NCKAP5: variants seen among roughly 807,000 people sequenced by gnomAD.
NCKAP5 encodes nck-associated protein 5.
A neutral mutation model predicts 167.0 loss-of-function variants in NCKAP5; 92 were observed. The ratio of observed to expected loss-of-function variants is 0.55; its 90% confidence interval spans 0.47 to 0.66. The LOEUF is 0.66. NCKAP5 is among the 30% of genes least tolerant of loss of function. The pLI, the probability that NCKAP5 is intolerant of heterozygous loss-of-function variation, is 0.00. For synonymous variants in NCKAP5, 891 were observed against 877.4 expected, an observed-to-expected ratio of 1.02 and a Z score of -0.27; for missense variants, 2,378 against 2,315.0, an observed-to-expected ratio of 1.03 and a Z score of -0.56.
intron 8 of NCKAP5, among the ~76,000 whole-genome samples, chr2:132,951,087 CT>C: frequency 1.3e-5 from 2 of 152,278 alleles, no homozygotes; most frequent in South Asian, 4.1e-4. Flanking sequence ...AATATGTCTT[CT>C]TTACTTTGCT....
chr2:133,572,865 C>T (rs1688916786), upstream of NCKAP5, among the ~76,000 whole-genome samples: 1 of 152,186 alleles, frequency 6.6e-6, no homozygotes, highest in South Asian at 2.1e-4. Flanking sequence ...CATTCTCACA[C>T]ATATGGTCCT....
At chr2:132,874,489 G>C (rs1038736844) in intron 9 of NCKAP5, among the ~76,000 whole-genome samples, 3 of 152,148 alleles carry the variant, frequency 2.0e-5, no homozygotes, top group Non-Finnish European at 4.4e-5. Context: ...TACAATCTAG[G>C]CTAGGCATGT....
intron 3 of NCKAP5, chr2:133,391,129 A>T (rs1326861769): frequency 6.6e-6 from 1 of 152,162 alleles, no homozygotes; most frequent in Non-Finnish European, 1.5e-5. Flanking sequence ...GCCAACTACC[A>T]TCTACTTTCT....
intron 3 of NCKAP5, among the ~76,000 whole-genome samples, chr2:133,428,261 C>G (rs1689936512): frequency 6.6e-6 from 1 of 152,062 alleles, no homozygotes; most frequent in South Asian, 2.1e-4. Flanking sequence ...AAATCACTGG[C>G]ACAGAATAAG....
At chr2:133,366,124 C>T (rs1025768423) in intron 3 of NCKAP5, among the ~76,000 whole-genome samples, 7 of 152,048 alleles carry the variant, frequency 4.6e-5, no homozygotes, top group African/African-American at 1.7e-4. Flanking sequence ...GTTTTGTGAG[C>T]ACATTTTTTG....
At chr2:133,080,489 C>T (rs1273610318) in intron 6 of NCKAP5, among the ~76,000 whole-genome samples, 2 of 152,154 alleles carry the variant, frequency 1.3e-5, no homozygotes, top group Non-Finnish European at 2.9e-5. Context: ...TGGAACACAG[C>T]CAACCCGTTG....
intron 3 of NCKAP5, among the ~76,000 whole-genome samples, chr2:133,330,771 C>T (rs1175975271): frequency 6.6e-6 from 1 of 151,996 alleles, no homozygotes; most frequent in Admixed American, 6.6e-5. Context: ...TCGTGTGCAC[C>T]TGTACTCTCA....
chr2:132,829,466 T>G (rs1314968035), intron 11 of NCKAP5, among the ~76,000 whole-genome samples: 1 of 152,166 alleles, frequency 6.6e-6, no homozygotes, highest in African/African-American at 2.4e-5. Flanking sequence ...AAATATAATT[T>G]TATTGAAATA....
intron 2 of NCKAP5, among the ~76,000 whole-genome samples, chr2:133,535,191 T>C (rs534250569): frequency 6.6e-6 from 1 of 152,272 alleles, no homozygotes; most frequent in East Asian, 1.9e-4. Context: ...GTTTCATGCA[T>C]ATATTGCATA....
chr2:133,195,296 T>C (rs2085390117), intron 5 of NCKAP5, among the ~76,000 whole-genome samples: 1 of 152,158 alleles, frequency 6.6e-6, no homozygotes, highest in African/African-American at 2.4e-5. Context: ...TCAGAATATA[T>C]GATTATTAGG....
At chr2:132,847,654 A>G (rs1367611739) in intron 11 of NCKAP5, among the ~76,000 whole-genome samples, 1 of 151,928 alleles carries the variant, frequency 6.6e-6, no homozygotes, top group Non-Finnish European at 1.5e-5. Flanking sequence ...AACTTACTGA[A>G]CATTTTCCGT....
chr2:132,844,740 C>A (rs1341292400), intron 11 of NCKAP5, among the ~76,000 whole-genome samples: 1 of 152,066 alleles, frequency 6.6e-6, no homozygotes, highest in East Asian at 1.9e-4. Flanking sequence ...AAACAGTGCA[C>A]AGTGTCTCAC....
chr2:132,826,024 C>G lies in NCKAP5; in HGVS notation c.808-29295G>C, dbSNP rs111334349. Reference sequence around the variant, plus strand: ...GGAAGAACAGAAAGCCGTTGTTGCACGATGCTTTACTTCTGTGGAGTTTTC... The same window carrying G: ...GGAAGAACAGAAAGCCGTTGTTGCAGGATGCTTTACTTCTGTGGAGTTTTC... On this transcript the variant is annotated intron_variant, in intron 11 of 19. Coordinates refer to ENST00000409261, the MANE Select transcript of NCKAP5 (RefSeq NM_207363.3). Among the ~76,000 whole-genome samples, 213 of 152,266 alleles carry G rather than the reference C, an allele frequency of 1.4e-3. 1 individual carries two copies. The highest frequency in any genetic ancestry group is 4.9e-3 in the African/African-American group (202 of 41,542).
At chr2:133,541,507 T>C (rs1172580746) in intron 2 of NCKAP5, among the ~76,000 whole-genome samples, 1 of 152,146 alleles carries the variant, frequency 6.6e-6, no homozygotes, top group Non-Finnish European at 1.5e-5. Context: ...TATATGCTCA[T>C]ACAGCCTTTA....
At position 132,672,578 on chromosome 2, in the gene NCKAP5, A is replaced by G. The variant is rs1332895427; in HGVS notation, c.*711T>C. On this transcript the variant is annotated 3_prime_UTR_variant, in exon 20 of 20. Transcript: ENST00000409261. ...GGTTTACAGAGTGTACCCACAAACA[A>G]TTTGAGGACCAGGACAACGAACTTC... 6.6e-6 allele frequency: 1 copy of G among 152,510 alleles called. No individual in the cohort carries two copies. Among genetic ancestry groups the G allele is most frequent in the Non-Finnish European group, 1.5e-5 (1 of 68,030 alleles). 9.4% of individuals were successfully genotyped at this position (152,510 alleles called of 1,614,324 possible).
intron 6 of NCKAP5, among the ~76,000 whole-genome samples, chr2:133,048,089 C>T (rs1261337912): frequency 6.6e-6 from 1 of 152,168 alleles, no homozygotes; most frequent in Non-Finnish European, 1.5e-5. Flanking sequence ...TCCACAGTGT[C>T]TCACTGTGGT....
In NCKAP5 at chr2:133,193,353, C is replaced by CATG. The variant is rs529496217; in HGVS notation, c.207+20360_207+20362dup. ...TGACTGTATCAATGTCAACTGATAC[C>CATG]ATGATTTTGGTATAGTTTTTCAAAG... is the stretch of plus-strand genomic sequence containing the variant. On this transcript the variant is annotated intron_variant, in intron 5 of 19. Transcript: ENST00000409261. Among the ~76,000 whole-genome samples, 61 of 151,680 alleles carry CATG rather than the reference C, an allele frequency of 4.0e-4. 1 individual carries two copies. Among genetic ancestry groups the CATG allele is most frequent in the African/African-American group, 1.3e-3 (53 of 41,150 alleles).
At chr2:132,968,791 A>C (rs570041600) in intron 7 of NCKAP5, among the ~76,000 whole-genome samples, 1 of 152,348 alleles carries the variant, frequency 6.6e-6, no homozygotes, top group Non-Finnish European at 1.5e-5. Flanking sequence ...CTCATTTGAA[A>C]GTTTGGCAGG....
chr2:133,118,553 C>T (rs2082155212), intron 6 of NCKAP5: 1 of 151,902 alleles, frequency 6.6e-6, no homozygotes. Context: ...ATGTGCCAGG[C>T]TAAAATCATA....
Sources: allele counts gnomAD v4.1 joint callset (sites outside exome capture counted in the v4.1 genomes callset), GRCh38; gene constraint gnomAD v4.1.1; transcripts MANE v1.5; gene names NCBI Gene and HGNC (gene_info 2026-07-23, HGNC 2026-07-21).